KIF6: variants seen among roughly 807,000 people sequenced by gnomAD.
The protein encoded by KIF6 is kinesin-like protein KIF6.
KIF6 carries 106 observed loss-of-function variants against 112.7 expected under a neutral mutation model. That is an observed-to-expected ratio of 0.94 (90% CI 0.80 to 1.11). KIF6 has a LOEUF of 1.11. KIF6 is among the 50% of genes least tolerant of loss of function. The probability of loss-of-function intolerance (pLI) is 0.00; values close to 1 mark genes in which losing one functional copy is unlikely to be tolerated. For missense variants in KIF6, 929 were observed against 964.0 expected, an observed-to-expected ratio of 0.96 and a Z score of 0.48; for synonymous variants, 339 against 339.9, an observed-to-expected ratio of 1.00 and a Z score of 0.03.
At chr6:39,644,779 A>T (rs1785082036) in intron 3 of KIF6, among the ~76,000 whole-genome samples, 1 of 152,194 alleles carries the variant, frequency 6.6e-6, no homozygotes, top group Non-Finnish European at 1.5e-5. Flanking sequence ...AAAAACAACT[A>T]AATTGCATGC....
At chr6:39,588,462 C>A (rs779492144) in intron 7 of KIF6, among the ~76,000 whole-genome samples, 73 of 152,150 alleles carry the variant, frequency 4.8e-4, no homozygotes, top group Admixed American at 3.2e-3. Flanking sequence ...GATCCACCCG[C>A]CTCGGCCTCC....
intron 13 of KIF6, among the ~76,000 whole-genome samples, chr6:39,495,364 A>G (rs1285562666): frequency 1.3e-5 from 2 of 152,194 alleles, no homozygotes; most frequent in East Asian, 1.9e-4. Flanking sequence ...CTTGGTACAA[A>G]CAAGGCAGCA....
chr6:39,720,972 A>T (rs1203181667), intron 1 of KIF6, among the ~76,000 whole-genome samples, 161 bp from the exon 2 acceptor site: 3 of 152,206 alleles, frequency 2.0e-5, no homozygotes, highest in Non-Finnish European at 2.9e-5. Context: ...AACTGTGTGG[A>T]TTCAGACAAA....
chr6:39,345,411 G>A (rs1050621149), intron 21 of KIF6, among the ~76,000 whole-genome samples: 9 of 152,192 alleles, frequency 5.9e-5, no homozygotes, highest in Non-Finnish European at 1.3e-4. Flanking sequence ...GGCTGCCCTG[G>A]GCTGGCTCTT....
chr6:39,610,593 T>A (rs773184099), intron 6 of KIF6, among the ~76,000 whole-genome samples: 2 of 152,246 alleles, frequency 1.3e-5, no homozygotes, highest in Middle Eastern at 3.2e-3. Context: ...ATCCAAAACA[T>A]GCTTTTTTAG....
rs114234189 is a variant in KIF6, at chr6:39,540,718, C to T, written c.1427-497G>A. On this transcript the variant is annotated intron_variant, in intron 12 of 22. Transcript: ENST00000287152. Reference sequence around the variant, plus strand: ...TTCATCCTGGCGGCCGGTGCGGTGACAAAGGTTCAGCCAGAGCACCCCAAG... The same window carrying T: ...TTCATCCTGGCGGCCGGTGCGGTGATAAAGGTTCAGCCAGAGCACCCCAAG... Among the ~76,000 whole-genome samples, 1,479 of 152,324 alleles carry T rather than the reference C, an allele frequency of 9.7e-3. 34 individuals carry two copies. Among genetic ancestry groups the T allele is most frequent in the African/African-American group, 0.033 (1,372 of 41,576 alleles).
intron 13 of KIF6, among the ~76,000 whole-genome samples, chr6:39,507,801 C>T (rs907088945): frequency 6.6e-6 from 1 of 150,740 alleles, no homozygotes; most frequent in Non-Finnish European, 1.5e-5. Flanking sequence ...TATTATTTCC[C>T]TAAAAGGCCA....
At chr6:39,621,472 A>C (rs890489196) in intron 5 of KIF6, among the ~76,000 whole-genome samples, 7 of 152,090 alleles carry the variant, frequency 4.6e-5, no homozygotes, top group African/African-American at 1.7e-4. Context: ...CATCTTAGGA[A>C]CTCTCGTTGC....
intron 3 of KIF6, among the ~76,000 whole-genome samples, chr6:39,712,791 AG>A (rs1421502126): frequency 6.6e-6 from 1 of 152,092 alleles, no homozygotes; most frequent in Non-Finnish European, 1.5e-5. Context: ...ATCACACCCC[AG>A]AGCCTGTCAT....
intron 3 of KIF6, among the ~76,000 whole-genome samples, chr6:39,651,644 A>G (rs1398455288): frequency 6.6e-6 from 1 of 152,126 alleles, no homozygotes; most frequent in Non-Finnish European, 1.5e-5. Context: ...GCCAAATAAG[A>G]CCTTATTTGA....
At chr6:39,605,143 G>A (rs1050155209) in intron 6 of KIF6, among the ~76,000 whole-genome samples, 1 of 151,966 alleles carries the variant, frequency 6.6e-6, no homozygotes, top group African/African-American at 2.4e-5. Flanking sequence ...ATTAAGGTTT[G>A]CTCTCTGAAC....
intron 5 of KIF6, among the ~76,000 whole-genome samples, chr6:39,629,196 G>A (rs2446651): frequency 0.13 from 19,827 of 151,978 alleles, 1,565 homozygotes; most frequent in African/African-American, 0.22. Context: ...ACCTAGGAGC[G>A]CAGTTGCTGG....
At chr6:39,684,539 C>A (rs114371429) in intron 3 of KIF6, among the ~76,000 whole-genome samples, 1 of 151,390 alleles carries the variant, frequency 6.6e-6, no homozygotes, top group African/African-American at 2.4e-5. Context: ...CACTTTGAAC[C>A]CGGGAGGCGG....
chr6:39,511,875 A>G (rs2150510970), intron 13 of KIF6, among the ~76,000 whole-genome samples: 1 of 152,328 alleles, frequency 6.6e-6, no homozygotes, highest in East Asian at 1.9e-4. Flanking sequence ...GTTCTCACTC[A>G]TAAGTGGGAG....
At chr6:39,352,525 T>C (rs1019161723) in intron 19 of KIF6, among the ~76,000 whole-genome samples, 12 of 152,120 alleles carry the variant, frequency 7.9e-5, no homozygotes, top group African/African-American at 2.9e-4. Flanking sequence ...TGGAATCATA[T>C]AATACATAGT....
intron 3 of KIF6, among the ~76,000 whole-genome samples, chr6:39,660,035 GC>G (rs1786041890): frequency 6.6e-6 from 1 of 152,128 alleles, no homozygotes; most frequent in Non-Finnish European, 1.5e-5. Flanking sequence ...ATCTGGCCTG[GC>G]ATGGTGTCTC....
chr6:39,429,636 G>A (rs752659380), intron 14 of KIF6, among the ~76,000 whole-genome samples: 16 of 152,152 alleles, frequency 1.1e-4, no homozygotes, highest in African/African-American at 1.7e-4. Flanking sequence ...TAGGCCAGGC[G>A]CAGTGGCTCA....
At chr6:39,667,586 A>C (rs1786554299) in intron 3 of KIF6, among the ~76,000 whole-genome samples, 1 of 152,072 alleles carries the variant, frequency 6.6e-6, no homozygotes, top group South Asian at 2.1e-4. Flanking sequence ...TGACACCTAA[A>C]ATTAAGTCTT....
chr6:39,636,466 T>C (rs990282848), intron 4 of KIF6, among the ~76,000 whole-genome samples: 4 of 152,138 alleles, frequency 2.6e-5, no homozygotes, highest in East Asian at 1.9e-4. Flanking sequence ...AATGGCCTAT[T>C]GATTACATTA....
Sources: allele counts gnomAD v4.1 joint callset (sites outside exome capture counted in the v4.1 genomes callset), GRCh38; gene constraint gnomAD v4.1.1; transcripts MANE v1.5; gene names NCBI Gene and HGNC (gene_info 2026-07-23, HGNC 2026-07-21).